The following KIF26B variants were observed in gnomAD, a reference collection of about 807,000 sequenced individuals.
KIF26B encodes kinesin-like protein KIF26B.
Under a neutral mutation model 151.2 loss-of-function variants are expected in KIF26B, and 63 were observed. The observed-to-expected ratio is 0.42, with a 90% CI of 0.34 to 0.51. The LOEUF (loss-of-function observed/expected upper bound fraction) is 0.51, where lower values mean the gene tolerates loss of function less well. KIF26B is among the 20% of genes least tolerant of loss of function. KIF26B has a pLI of 0.07. For synonymous variants in KIF26B, 1,357 were observed against 1,262.1 expected (o/e 1.08, Z -1.59); for missense variants, 2,813 against 2,913.6 (o/e 0.97, Z 0.79).
intron 2 of KIF26B, chr1:245,206,411 ATTTTCC>A (rs1669407341): frequency 6.6e-6 from 1 of 152,176 alleles, no homozygotes; most frequent in Admixed American, 6.5e-5. Flanking sequence ...CCTTAAATTG[ATTTTCC>A]TTATGAGTAG....
At chr1:245,180,935 G>A (rs1380825618) in intron 2 of KIF26B, among the ~76,000 whole-genome samples, 6 of 152,102 alleles carry the variant, frequency 3.9e-5, no homozygotes, top group Non-Finnish European at 8.8e-5. Flanking sequence ...ACCAACTGCA[G>A]GATTCCTATT....
chr1:245,303,339 C>T (rs1201735305), intron 2 of KIF26B, among the ~76,000 whole-genome samples: 1 of 151,046 alleles, frequency 6.6e-6, no homozygotes, highest in Non-Finnish European at 1.5e-5. Flanking sequence ...GCTGGGACTA[C>T]AGGTGCCCGC....
At chr1:245,608,472 C>A (rs977811875) in intron 7 of KIF26B, among the ~76,000 whole-genome samples, 2 of 152,222 alleles carry the variant, frequency 1.3e-5, no homozygotes, top group Non-Finnish European at 2.9e-5. Context: ...CTTCCGTCCT[C>A]CCCAGCCCTT....
intron 3 of KIF26B, among the ~76,000 whole-genome samples, chr1:245,392,809 G>A (rs1353299067): frequency 6.6e-6 from 1 of 152,038 alleles, no homozygotes; most frequent in African/African-American, 2.4e-5. Context: ...TTTTAACACT[G>A]TTTTTCCTTT....
rs1482295381 is a variant in KIF26B, at chr1:245,698,112, A to T, written c.5831A>T (p.Gln1944Leu). ...TPKKRSNPGS[Q>L]RRRLIPALSL... is the part of the protein sequence containing the mutation. ...GGCTTATCCCCCTCCTCAGGTTCTCAGAGACGGAGGCTTATCCCAGCACTA... is the reference window on the plus strand; with the variant it reads ...GGCTTATCCCCCTCCTCAGGTTCTCTGAGACGGAGGCTTATCCCAGCACTA... The change falls in exon 13 of 15, where the codon CAG becomes CTG. Residue 1944 changes from glutamine to leucine, a missense_variant. This residue lies in a region of KIF26B where 2,060 missense variants were observed against 2,088.6 expected (regional missense o/e 0.99). Coordinates refer to ENST00000407071, the MANE Select transcript of KIF26B (RefSeq NM_018012.4). The surrounding 1 kb of genome is among the most constrained non-coding windows in gnomAD (Gnocchi z 4.0). The T allele has an allele frequency of 6.2e-7, 1 of 1,613,440 alleles. No homozygotes were observed. The highest frequency in any genetic ancestry group is 8.5e-7 in the Non-Finnish European group (1 of 1,179,652).
At position 245,602,288 on chromosome 1, in the gene KIF26B, C is replaced by T. The variant is rs767745579; in HGVS notation, c.1351-289C>T. On this transcript the variant is annotated intron_variant, in intron 5 of 14. Transcript: ENST00000407071. This position sits in a 1 kb window ranked among gnomAD's most constrained non-coding sequence, Gnocchi z 4.5. The stretch of plus-strand genomic sequence containing the variant: ...CATCTGTGTAATTGGGCCACGAGGG[C>T]GCAGTTAATATTCAATTTATATTAA... Among the ~76,000 whole-genome samples the T allele has an allele frequency of 1.3e-5, 2 of 152,102 alleles. No individual in the cohort carries two copies. The highest frequency in any genetic ancestry group is 6.5e-5 in the Admixed American group (1 of 15,270).
rs2044836868 is a variant in KIF26B, at chr1:245,706,040, CTCTCA to C, written c.*3436_*3440del. The C allele has an allele frequency of 1.3e-5, 2 of 152,322 alleles. No individual in the cohort carries two copies. The highest frequency in any genetic ancestry group is 6.8e-3 in the Middle Eastern group (2 of 294). The allele number at this position is 152,322 out of a possible 1,614,324, so 9.4% of individuals were successfully genotyped here. On this transcript the variant is annotated 3_prime_UTR_variant, in exon 15 of 15. Transcript: ENST00000407071. The stretch of plus-strand genomic sequence containing the variant: ...AACCCCTGAGCTGGAGAAGGGGCTC[CTCTCA>C]TGAGAAGCTGGGGTAAACAGCCAGG...
chr1:245,517,845 C>T (rs1489719276), intron 4 of KIF26B, among the ~76,000 whole-genome samples: 2 of 150,640 alleles, frequency 1.3e-5, no homozygotes, highest in African/African-American at 4.9e-5. Context: ...TGCACAGGAC[C>T]ATGAAAGTGA....
chr1:245,581,926 G>GGAAGGA (rs1553291661), intron 5 of KIF26B, among the ~76,000 whole-genome samples: 1 of 142,274 alleles, frequency 7.0e-6, no homozygotes, highest in South Asian at 2.3e-4. Context: ...AAGAGAGAAA[G>GGAAGGA]AGGAAGGAAG....
At chr1:245,247,382 T>G (rs1670355554) in intron 2 of KIF26B, among the ~76,000 whole-genome samples, 1 of 151,834 alleles carries the variant, frequency 6.6e-6, no homozygotes, top group Non-Finnish European at 1.5e-5. Context: ...CGCTTGAACC[T>G]GGGCAGGGAA....
intron 2 of KIF26B, among the ~76,000 whole-genome samples, chr1:245,279,043 C>A (rs1008709636): frequency 6.6e-6 from 1 of 152,136 alleles, no homozygotes; most frequent in Non-Finnish European, 1.5e-5. Flanking sequence ...CCTTACGAAG[C>A]CTCTGTCATG....
intron 2 of KIF26B, among the ~76,000 whole-genome samples, chr1:245,314,125 A>G (rs1671716659): frequency 6.6e-6 from 1 of 152,158 alleles, no homozygotes; most frequent in South Asian, 2.1e-4. Context: ...GGTCAGAGAC[A>G]GGGACTCCTG....
At chr1:245,377,684 G>A (rs1355650830) in intron 3 of KIF26B, among the ~76,000 whole-genome samples, 1 of 152,220 alleles carries the variant, frequency 6.6e-6, no homozygotes, top group Non-Finnish European at 1.5e-5. Context: ...GAAGAAAAGT[G>A]AAGTTGCAGA....
intron 2 of KIF26B, among the ~76,000 whole-genome samples, chr1:245,280,374 A>AT (rs1671018824): frequency 1.3e-5 from 2 of 150,358 alleles, no homozygotes; most frequent in Admixed American, 6.6e-5. Context: ...ACAAAAAAAA[A>AT]AAAAAAATTA....
rs1481153654 is a variant in KIF26B, at chr1:245,687,380, C to T, written c.4397C>T (p.Ala1466Val). Residue 1466 changes from alanine to valine, a missense_variant, in exon 12 of 15, where the codon GCC becomes GTC. Coordinates refer to ENST00000407071, the MANE Select transcript of KIF26B (RefSeq NM_018012.4). The surrounding 1 kb of genome is among the most constrained non-coding windows in gnomAD (Gnocchi z 4.9). ...NEEGMMRCET[A>V]TGPSNAETRA... is the part of the protein sequence containing the mutation. ...GAAGGGATGATGAGGTGTGAGACTGCCACGGGCCCCTCGAATGCTGAGACC... is the reference window on the plus strand; with the variant it reads ...GAAGGGATGATGAGGTGTGAGACTGTCACGGGCCCCTCGAATGCTGAGACC... The T allele has an allele frequency of 1.9e-6, 3 of 1,588,878 alleles. No individual in the cohort carries two copies. The highest frequency in any genetic ancestry group is 1.1e-5 in the South Asian group (1 of 87,172).
chr1:245,466,336 G>T (rs1336948776), intron 4 of KIF26B, among the ~76,000 whole-genome samples: 1 of 152,160 alleles, frequency 6.6e-6, no homozygotes, highest in Non-Finnish European at 1.5e-5. Flanking sequence ...TTCTTTTCTT[G>T]TTTCTCTGTC....
intron 2 of KIF26B, among the ~76,000 whole-genome samples, chr1:245,360,550 A>G (rs933961003): frequency 2.0e-5 from 3 of 152,146 alleles, no homozygotes; most frequent in African/African-American, 4.8e-5. Context: ...ATTGACTCCC[A>G]TTTTTACATT....
In KIF26B at chr1:245,702,488, CCCTGGAGTA is replaced by C. The variant is rs781762570; in HGVS notation, c.6217_6225del (p.Tyr2073_Glu2075del). 3.7e-6 allele frequency: 6 copies of C among 1,613,910 alleles called. No individual in the cohort carries two copies. The highest frequency in any genetic ancestry group is 4.5e-5 in the East Asian group (2 of 44,864). On this transcript the variant is annotated inframe_deletion, in exon 15 of 15. Transcript: ENST00000407071. The surrounding 1 kb of genome is among the most constrained non-coding windows in gnomAD (Gnocchi z 4.1). ...TTGGAGCAGGTTTGGGAGCTGGATT[CCCTGGAGTA>C]CCTGGAGGCACTGGAGTGTGTGACG...
chr1:245,210,593 A>C (rs1371509604), intron 2 of KIF26B, among the ~76,000 whole-genome samples: 1 of 151,344 alleles, frequency 6.6e-6, no homozygotes, highest in Admixed American at 6.6e-5. Flanking sequence ...AAAATACAAC[A>C]TGAAGTGAGT....
Sources: gnomAD v4.1 joint callset for allele counts (sites outside exome capture counted in the v4.1 genomes callset) on GRCh38, gnomAD v4.1.1 for gene constraint, gnomAD v4.1.1 regional missense constraint, Gnocchi (gnomAD v3.1) non-coding constraint, MANE v1.5 for transcripts, NCBI Gene and HGNC (gene_info 2026-07-23, HGNC 2026-07-21) for gene names.